The following CNTN3 variants were observed in gnomAD, a reference collection of about 807,000 sequenced individuals.
CNTN3 encodes contactin 3.
CNTN3 carries 60 observed loss-of-function variants against 119.1 expected under a neutral mutation model. The ratio of observed to expected loss-of-function variants is 0.50; its 90% confidence interval spans 0.41 to 0.62. The LOEUF (loss-of-function observed/expected upper bound fraction) is 0.62. Ranked by LOEUF, CNTN3 falls within the 20% of genes least tolerant of loss-of-function variation. CNTN3 has a pLI of 0.00. For synonymous variants in CNTN3, 450 were observed against 438.7 expected, an observed-to-expected ratio of 1.03 and a Z score of -0.32; for missense variants, 1,101 against 1,242.4, an observed-to-expected ratio of 0.89 and a Z score of 1.71.
intron 1 of CNTN3, among the ~76,000 whole-genome samples, chr3:74,526,202 T>A (rs1429691667): frequency 3.1e-5 from 3 of 97,998 alleles, no homozygotes; most frequent in African/African-American, 9.6e-5. Flanking sequence ...GAATATATAT[T>A]ATTCCTAATC....
At chr3:74,348,780 A>T (rs1399101230) in intron 11 of CNTN3, among the ~76,000 whole-genome samples, 4 of 152,164 alleles carry the variant, frequency 2.6e-5, no homozygotes, top group Non-Finnish European at 5.9e-5. Flanking sequence ...TTGTTGCTTT[A>T]CACCATTACA....
chr3:74,262,979 T>C lies in CNTN3; in HGVS notation c.*1422A>G, dbSNP rs1183850955. The C allele has an allele frequency of 2.0e-5, 3 of 152,132 alleles. No individual in the cohort carries two copies. The highest frequency in any genetic ancestry group is 7.2e-5 in the African/African-American group (3 of 41,450). 9.4% of individuals were successfully genotyped at this position (152,132 alleles called of 1,614,324 possible). A position where few individuals can be genotyped will look rare whatever the true frequency, so the allele number is the denominator to read the frequency against. On this transcript the variant is annotated 3_prime_UTR_variant, in exon 23 of 23. Transcript: ENST00000263665. ...TTAAATGTAATCTCTAAATGTAAAA[T>C]AGTGCTTTATGGTGATATCAGAATT...
chr3:74,532,064 G>A (rs2107136476), intron 1 of CNTN3, among the ~76,000 whole-genome samples: 1 of 151,832 alleles, frequency 6.6e-6, no homozygotes, highest in South Asian at 2.1e-4. Context: ...AGGAAGGAAG[G>A]AGAGAAAATT....
intron 11 of CNTN3, among the ~76,000 whole-genome samples, chr3:74,337,153 T>G (rs1703414812): frequency 6.6e-6 from 1 of 152,038 alleles, no homozygotes; most frequent in African/African-American, 2.4e-5. Context: ...AACTGTAATT[T>G]TCCAAAAGAA....
At chr3:74,502,580 A>G (rs890845125) in intron 2 of CNTN3, among the ~76,000 whole-genome samples, 5 of 151,788 alleles carry the variant, frequency 3.3e-5, no homozygotes, top group Non-Finnish European at 7.4e-5. Context: ...TCCTATTTCA[A>G]TCTCCCCTGA....
intron 5 of CNTN3, among the ~76,000 whole-genome samples, chr3:74,387,300 T>C (rs1429842052): frequency 2.0e-5 from 3 of 152,210 alleles, no homozygotes; most frequent in Admixed American, 1.3e-4. Flanking sequence ...CTAAATTGTA[T>C]ATATTTATAG....
chr3:74,546,433 G>T (rs913688599), intron 1 of CNTN3, among the ~76,000 whole-genome samples: 16 of 152,198 alleles, frequency 1.1e-4, no homozygotes, highest in African/African-American at 3.6e-4. Context: ...TGAGTCAGTG[G>T]ACTGGGAGAG....
rs180782658 is a variant in CNTN3 at position 74,272,429 on chromosome 3, T to C, written c.2705-5051A>G. On this transcript the variant is annotated intron_variant, in intron 20 of 22. Transcript: ENST00000263665. ...TGATTCTATATTAGCAGAAAATTCC[T>C]GTTTGAATACTGGTAAAGTTCAATA... Among the ~76,000 whole-genome samples the C allele has an allele frequency of 1.3e-3, 201 of 152,330 alleles. 1 individual carries two copies. The highest frequency in any genetic ancestry group is 1.1e-3 in the Non-Finnish European group (72 of 68,020).
intron 1 of CNTN3, among the ~76,000 whole-genome samples, chr3:74,573,486 A>G (rs570438407): frequency 1.3e-5 from 2 of 152,214 alleles, no homozygotes; most frequent in African/African-American, 4.8e-5. Flanking sequence ...AAAGGACACC[A>G]TCAAGAAAGT....
intron 5 of CNTN3, among the ~76,000 whole-genome samples, chr3:74,411,014 T>G (rs1046616641): frequency 6.6e-6 from 1 of 151,924 alleles, no homozygotes; most frequent in Non-Finnish European, 1.5e-5. Context: ...GAGGAGAGAC[T>G]CCCCTCTCTA....
chr3:74,291,036 C>T (rs1371595606), intron 19 of CNTN3, among the ~76,000 whole-genome samples: 2 of 152,034 alleles, frequency 1.3e-5, no homozygotes, highest in Non-Finnish European at 1.5e-5. Flanking sequence ...TCTCCAAATG[C>T]TATCCCTCCC....
intron 1 of CNTN3, among the ~76,000 whole-genome samples, chr3:74,574,465 A>G (rs752592119): frequency 6.6e-6 from 1 of 152,210 alleles, no homozygotes; most frequent in Admixed American, 6.5e-5. Flanking sequence ...ACATTTTATC[A>G]AAACTGAAAT....
chr3:74,541,002 A>C (rs1037135456), intron 1 of CNTN3, among the ~76,000 whole-genome samples: 2 of 152,190 alleles, frequency 1.3e-5, no homozygotes, highest in Non-Finnish European at 2.9e-5. Context: ...GAAAACCAAA[A>C]AGAGTAACAT....
chr3:74,446,832 A>T (rs1702057053), intron 4 of CNTN3, among the ~76,000 whole-genome samples: 1 of 152,082 alleles, frequency 6.6e-6, no homozygotes, highest in African/African-American at 2.4e-5. Context: ...CCCAGAGATC[A>T]GGGTCATAGG....
In CNTN3 at chr3:74,439,155, G is replaced by C. The variant is rs543016506; in HGVS notation, c.359-14215C>G. 2.0e-5 allele frequency among the ~76,000 whole-genome samples: 3 copies of C among 152,268 alleles called. No homozygotes were observed. In the East Asian group the frequency reaches 5.8e-4, roughly 29 times the overall value. ...ATTTTATGAACTATCTGGAAAAAAT[G>C]CTTCTCTAATTCAAGTGAAATGAAG... is the stretch of plus-strand genomic sequence containing the variant. On this transcript the variant is annotated intron_variant, in intron 4 of 22. Coordinates refer to ENST00000263665, the MANE Select transcript of CNTN3 (RefSeq NM_020872.3).
chr3:74,407,735 A>G (rs941767674), intron 5 of CNTN3, among the ~76,000 whole-genome samples: 4 of 152,136 alleles, frequency 2.6e-5, no homozygotes, highest in African/African-American at 9.7e-5. Flanking sequence ...ACAATGCAAT[A>G]TATCAATGTA....
chr3:74,585,824 AC>A, intron 1 of CNTN3, among the ~76,000 whole-genome samples: 1 of 152,270 alleles, frequency 6.6e-6, no homozygotes, highest in South Asian at 2.1e-4. Context: ...ATAAATATAG[AC>A]AAAAAATGGA....
chr3:74,347,448 C>T (rs1339976300), intron 11 of CNTN3, among the ~76,000 whole-genome samples: 1 of 152,094 alleles, frequency 6.6e-6, no homozygotes, highest in Non-Finnish European at 1.5e-5. Flanking sequence ...CCTCTGTTGC[C>T]CAAGCTGGTC....
At chr3:74,371,140 G>T in intron 6 of CNTN3, 56 bp downstream of exon 6, 1 of 1,306,476 alleles carries the variant, frequency 7.7e-7, no homozygotes, top group Non-Finnish European at 1.1e-6. Flanking sequence ...AATTGCTTTT[G>T]TTTGCAGCCT....
Sources: gnomAD v4.1 joint callset for allele counts (sites outside exome capture counted in the v4.1 genomes callset) on GRCh38, gnomAD v4.1.1 for gene constraint, MANE v1.5 for transcripts, NCBI Gene and HGNC (gene_info 2026-07-23, HGNC 2026-07-21) for gene names.